NOSTRIN: variants seen among roughly 807,000 people sequenced by gnomAD.
The protein encoded by NOSTRIN is nitric oxide synthase trafficking.
In NOSTRIN, 63 loss-of-function variants were observed where a neutral mutation model predicts 59.0. The ratio of observed to expected loss-of-function variants is 1.07; its 90% CI spans 0.87 to 1.32. The LOEUF is 1.32. NOSTRIN is among the 40% of genes most tolerant of loss of function. The pLI is 0.00. For missense variants in NOSTRIN, 512 were observed against 473.1 expected (o/e 1.08, Z -0.76); for synonymous variants, 200 against 165.4 (o/e 1.21, Z -1.61).
rs182199461 is a variant in NOSTRIN at position 168,837,962 on chromosome 2, G to C, written c.504+3637G>C. 1.4e-4 allele frequency among the ~76,000 whole-genome samples: 22 copies of C among 152,140 alleles called. 1 individual carries two copies. In the East Asian group the frequency reaches 4.1e-3, roughly 28 times the overall value. Reference sequence around the variant, plus strand: ...CTGATCTTTATATATTGCAGTTTCTGAAGATTTCTCTTCTGGGCCTCACTC... The same window carrying C: ...CTGATCTTTATATATTGCAGTTTCTCAAGATTTCTCTTCTGGGCCTCACTC... On this transcript the variant is annotated intron_variant, in intron 7 of 15. Transcript: ENST00000317647.
chr2:168,839,626 G>A (rs940917217), intron 7 of NOSTRIN, among the ~76,000 whole-genome samples: 1 of 152,038 alleles, frequency 6.6e-6, no homozygotes, highest in Non-Finnish European at 1.5e-5. Context: ...GAATACAGGA[G>A]TCTACAGCCG....
intron 7 of NOSTRIN, among the ~76,000 whole-genome samples, chr2:168,840,432 A>G (rs182979417): frequency 0.035 from 5,099 of 147,304 alleles, 268 homozygotes; most frequent in African/African-American, 0.12. Flanking sequence ...CAGGAGGCTG[A>G]GGCAGGAGAA....
chr2:168,789,014 A>G (rs3856426), intron 2 of NOSTRIN, among the ~76,000 whole-genome samples: 103,272 of 151,932 alleles, frequency 0.68, 35,660 homozygotes, highest in East Asian at 0.97. Context: ...CACACCTAGC[A>G]CCCCAGGTCT....
chr2:168,834,475 A>C, intron 7 of NOSTRIN, 150 bp downstream of exon 7: 2 of 523,430 alleles, frequency 3.8e-6, no homozygotes, highest in Non-Finnish European at 3.4e-6. Flanking sequence ...AGGGGATTCC[A>C]AATCATTACT....
At chr2:168,811,128 G>C (rs1375819723) in intron 1 of NOSTRIN, among the ~76,000 whole-genome samples, 1 of 152,134 alleles carries the variant, frequency 6.6e-6, no homozygotes, top group African/African-American at 2.4e-5. Context: ...TCTCAGACAA[G>C]AAAGGCTCAC....
chr2:168,820,301 TAG>T (rs986535559), intron 2 of NOSTRIN, among the ~76,000 whole-genome samples: 4 of 151,986 alleles, frequency 2.6e-5, no homozygotes, highest in African/African-American at 9.7e-5. Context: ...ATGAAATGGG[TAG>T]AGAGAGTATA....
intron 12 of NOSTRIN, 90 bp from the exon 13 acceptor site, chr2:168,859,420 CTT>C: frequency 6.5e-7 from 1 of 1,542,560 alleles, no homozygotes; most frequent in Non-Finnish European, 8.8e-7. Context: ...CTTTTCTAAC[CTT>C]TGTTATTTTG....
At chr2:168,831,181 G>A (rs1296905599) in intron 5 of NOSTRIN, among the ~76,000 whole-genome samples, 1 of 152,174 alleles carries the variant, frequency 6.6e-6, no homozygotes, top group African/African-American at 2.4e-5. Context: ...CACATTAGCT[G>A]TGTGATGAGG....
Position 168,864,910 on chromosome 2 carries a change from T to G in NOSTRIN, c.1461T>G (p.Phe487Leu). 6.2e-7 allele frequency: 1 copy of G among 1,614,108 alleles called. No homozygotes were observed. The highest frequency in any genetic ancestry group is 1.1e-5 in the South Asian group (1 of 91,080). The change falls in exon 16 of 16, where the codon TTT becomes TTG. Residue 487 changes from phenylalanine (F) to leucine (L), a missense_variant. Coordinates refer to ENST00000317647, the MANE Select transcript of NOSTRIN (RefSeq NM_001039724.4). ...CTTTGAATGGGAAAAAAGGCCATTTTCCTGCCGCTTATGTGGAGGAGTTAC... is the reference window on the plus strand; with the variant it reads ...CTTTGAATGGGAAAAAAGGCCATTTGCCTGCCGCTTATGTGGAGGAGTTAC... The part of the protein sequence containing the change: ...FGSLNGKKGH[F>L]PAAYVEELPS...
chr2:168,830,353 ACT>A (rs541415377), intron 5 of NOSTRIN, among the ~76,000 whole-genome samples: 2 of 151,584 alleles, frequency 1.3e-5, no homozygotes, highest in African/African-American at 4.8e-5. Flanking sequence ...ACCCCACTCC[ACT>A]CTCTCACAAA....
upstream of NOSTRIN, chr2:168,802,441 G>A (rs528168154): frequency 9.3e-6 from 5 of 539,008 alleles, no homozygotes; most frequent in Non-Finnish European, 1.4e-5. Context: ...CACACTGGCC[G>A]TCTTGACCCA....
chr2:168,791,622 T>G (rs1685355840), intron 2 of NOSTRIN, among the ~76,000 whole-genome samples: 2 of 152,184 alleles, frequency 1.3e-5, no homozygotes, highest in Admixed American at 1.3e-4. Context: ...TGTAAAAGTG[T>G]TCCTATTTCT....
chr2:168,789,181 A>C (rs1685282614), intron 2 of NOSTRIN, among the ~76,000 whole-genome samples: 1 of 152,194 alleles, frequency 6.6e-6, no homozygotes, highest in Non-Finnish European at 1.5e-5. Context: ...ATGATGGGAA[A>C]ATGTTATGAG....
intron 5 of NOSTRIN, among the ~76,000 whole-genome samples, chr2:168,829,979 C>G (rs956290545): frequency 6.6e-6 from 1 of 152,086 alleles, no homozygotes; most frequent in African/African-American, 2.4e-5. Context: ...TAAGCTGGGT[C>G]AGGAAGTGGA....
At chr2:168,789,245 G>C (rs577714159) in intron 2 of NOSTRIN, among the ~76,000 whole-genome samples, 58 of 152,288 alleles carry the variant, frequency 3.8e-4, no homozygotes, top group Admixed American at 5.9e-4. Flanking sequence ...TTAATAAGCT[G>C]GTGTATTAGT....
chr2:168,859,571 A>G lies in NOSTRIN; in HGVS notation c.1113A>G (p.Ala371=), dbSNP rs761884817. ...ANSYKLSSML[A]ELEQRPQPSH... ...CCTACAAACTGTCATCAATGTTAGC[A>G]GAACTTGAGCAAAGACCTCAACCCA... Residue 371 remains alanine (A), a synonymous_variant, in exon 13 of 16, where the codon GCA becomes GCG. Coordinates refer to ENST00000317647, the MANE Select transcript of NOSTRIN (RefSeq NM_001039724.4). The G allele has an allele frequency of 6.2e-7, 1 of 1,614,194 alleles. No individual in the cohort carries two copies. Among genetic ancestry groups the G allele is most frequent in the Non-Finnish European group, 8.5e-7 (1 of 1,180,018 alleles).
chr2:168,860,460 C>A (rs1241801796), intron 13 of NOSTRIN, among the ~76,000 whole-genome samples: 1 of 152,172 alleles, frequency 6.6e-6, no homozygotes, highest in Non-Finnish European at 1.5e-5. Flanking sequence ...CACCTGAGGT[C>A]AGGAGTTCGA....
At chr2:168,855,605 C>CG (rs1689032334) in intron 11 of NOSTRIN, 145 bp downstream of exon 11, 1 of 150,906 alleles carries the variant, frequency 6.6e-6, no homozygotes, top group Non-Finnish European at 1.2e-5. Context: ...GTTGTGTGAA[C>CG]AAAAAAAAAA....
At chr2:168,862,402 G>GAAAC (rs1251659499) in intron 15 of NOSTRIN, among the ~76,000 whole-genome samples, 2 of 151,698 alleles carry the variant, frequency 1.3e-5, no homozygotes, top group African/African-American at 4.8e-5. Flanking sequence ...TTTGAACTTG[G>GAAAC]AAACACAGTC....
Sources: allele counts gnomAD v4.1 joint callset (sites outside exome capture counted in the v4.1 genomes callset), GRCh38; gene constraint gnomAD v4.1.1; transcripts MANE v1.5; gene names NCBI Gene and HGNC (gene_info 2026-07-23, HGNC 2026-07-21).